LYPLAL1: variants seen among roughly 807,000 people sequenced by gnomAD.
The protein encoded by LYPLAL1 is lysophospholipase-like protein 1.
Under a neutral mutation model 19.7 loss-of-function variants are expected in LYPLAL1, and 23 were observed. The observed-to-expected ratio is 1.17, with a 90% CI of 0.84 to 1.65. The LOEUF (loss-of-function observed/expected upper bound fraction) is 1.65, where lower values mean the gene tolerates loss of function less well. LYPLAL1 is among the 40% of genes most tolerant of loss of function. The pLI, the probability that LYPLAL1 is intolerant of heterozygous loss-of-function variation, is 0.00. For missense variants in LYPLAL1, 355 were observed against 279.4 expected (o/e 1.27, Z -1.93); for synonymous variants, 119 against 96.3 (o/e 1.24, Z -1.38).
At chr1:219,192,949 T>A in intron 2 of LYPLAL1, 133 bp from the exon 3 acceptor site, 1 of 872,518 alleles carries the variant, frequency 1.1e-6, no homozygotes, top group Non-Finnish European at 1.7e-6. Flanking sequence ...AGTTTTAATA[T>A]GCATTTAACT....
the LYPLAL1 span, among the ~76,000 whole-genome samples, chr1:219,249,956 G>A: frequency 2.1e-3 from 315 of 152,042 alleles, 3 homozygotes; most frequent in African/African-American, 7.5e-3. Context: ...GTGACATATA[G>A]TCTCCCATTC....
chr1:219,255,215 A>T, the LYPLAL1 span, among the ~76,000 whole-genome samples: 8 of 151,698 alleles, frequency 5.3e-5, no homozygotes, highest in East Asian at 1.2e-3. Flanking sequence ...AATAACTTTT[A>T]TTTTTTATAA....
At chr1:219,394,410 G>A in the LYPLAL1 span, among the ~76,000 whole-genome samples, 45 of 152,112 alleles carry the variant, frequency 3.0e-4, no homozygotes, top group Non-Finnish European at 4.7e-4. Flanking sequence ...TGGTTATGCC[G>A]CTATCACCAT....
chr1:219,404,575 A>G, the LYPLAL1 span, among the ~76,000 whole-genome samples: 16 of 152,192 alleles, frequency 1.1e-4, no homozygotes, highest in Non-Finnish European at 1.5e-5. Context: ...CCCAAATAAT[A>G]TAAATATAGG....
At chr1:219,354,027 AG>A in the LYPLAL1 span, among the ~76,000 whole-genome samples, 1 of 152,254 alleles carries the variant, frequency 6.6e-6, no homozygotes, top group Non-Finnish European at 1.5e-5. Context: ...GTTAAGATCA[AG>A]GAACTTGTAA....
chr1:219,420,390 C>T, the LYPLAL1 span, among the ~76,000 whole-genome samples: 1 of 152,188 alleles, frequency 6.6e-6, no homozygotes. Context: ...GCATCCTCTA[C>T]CTTTTCATAA....
At chr1:219,304,578 T>C in the LYPLAL1 span, among the ~76,000 whole-genome samples, 2 of 152,222 alleles carry the variant, frequency 1.3e-5, no homozygotes, top group African/African-American at 4.8e-5. Context: ...AGGCATAAAA[T>C]ATAATCCATT....
the LYPLAL1 span, among the ~76,000 whole-genome samples, chr1:219,289,670 G>C: frequency 1.3e-5 from 2 of 152,160 alleles, no homozygotes; most frequent in South Asian, 4.1e-4. Context: ...TTCTGTTTTA[G>C]ATGTTTTTCT....
At chr1:219,374,421 G>A in the LYPLAL1 span, among the ~76,000 whole-genome samples, 6 of 151,994 alleles carry the variant, frequency 3.9e-5, no homozygotes, top group Non-Finnish European at 8.8e-5. Context: ...CAGAAAGGAG[G>A]CAAAAACTTC....
At chr1:219,279,367 A>G in the LYPLAL1 span, among the ~76,000 whole-genome samples, 13 of 152,344 alleles carry the variant, frequency 8.5e-5, no homozygotes, top group East Asian at 2.5e-3. Flanking sequence ...TCCAATGCCC[A>G]GATGAACTGA....
At chr1:219,391,342 C>T in the LYPLAL1 span, among the ~76,000 whole-genome samples, 1 of 152,182 alleles carries the variant, frequency 6.6e-6, no homozygotes, top group Admixed American at 6.5e-5. Flanking sequence ...CATATGCAGA[C>T]AGCCAAGCAA....
chr1:219,265,190 A>G, the LYPLAL1 span, among the ~76,000 whole-genome samples: 10 of 152,340 alleles, frequency 6.6e-5, no homozygotes, highest in Middle Eastern at 3.4e-3. Context: ...CACTCTCTAT[A>G]ATTTTCTAGC....
chr1:219,289,329 G>A, the LYPLAL1 span, among the ~76,000 whole-genome samples: 3 of 152,034 alleles, frequency 2.0e-5, no homozygotes, highest in African/African-American at 7.2e-5. Context: ...TCAAATGAGG[G>A]GATGCATGTG....
At chr1:219,234,815 G>A in the LYPLAL1 span, among the ~76,000 whole-genome samples, 1 of 152,016 alleles carries the variant, frequency 6.6e-6, no homozygotes, top group South Asian at 2.1e-4. Context: ...TCACTCAATC[G>A]AGTGCACATT....
chr1:219,291,187 TCAAA>T, the LYPLAL1 span, among the ~76,000 whole-genome samples: 1 of 152,150 alleles, frequency 6.6e-6, no homozygotes, highest in African/African-American at 2.4e-5. Flanking sequence ...GAAAAAAATG[TCAAA>T]CAACAAAGGA....
intron 3 of LYPLAL1, among the ~76,000 whole-genome samples, chr1:219,205,782 C>T (rs1013673159): frequency 3.3e-5 from 5 of 152,282 alleles, no homozygotes; most frequent in African/African-American, 1.2e-4. Context: ...AGAATGATAG[C>T]ATTCTTCTAC....
the LYPLAL1 span, among the ~76,000 whole-genome samples, chr1:219,241,948 G>A: frequency 6.6e-6 from 1 of 152,190 alleles, no homozygotes; most frequent in Non-Finnish European, 1.5e-5. Flanking sequence ...GATTAAATAG[G>A]ATGGATTTAA....
At chr1:219,321,822 A>G in the LYPLAL1 span, among the ~76,000 whole-genome samples, 1 of 152,192 alleles carries the variant, frequency 6.6e-6, no homozygotes, top group Non-Finnish European at 1.5e-5. Flanking sequence ...AGAGAAAACT[A>G]CAATGGGAAG....
the LYPLAL1 span, among the ~76,000 whole-genome samples, chr1:219,256,598 T>C: frequency 6.6e-6 from 1 of 151,952 alleles, no homozygotes; most frequent in Non-Finnish European, 1.5e-5. Flanking sequence ...TTATTAACTG[T>C]TGCTCTAACC....
Sources: gnomAD v4.1 joint callset for allele counts (sites outside exome capture counted in the v4.1 genomes callset) on GRCh38, gnomAD v4.1.1 for gene constraint, MANE v1.5 for transcripts, NCBI Gene and HGNC (gene_info 2026-07-23, HGNC 2026-07-21) for gene names.